TTLL5: variants seen among roughly 807,000 people sequenced by gnomAD.
TTLL5 encodes tubulin tyrosine ligase like 5.
In TTLL5, 132 loss-of-function variants were observed where a neutral mutation model predicts 168.4. That is an observed-to-expected ratio of 0.78 (90% CI 0.68 to 0.91). The LOEUF (loss-of-function observed/expected upper bound fraction) is 0.91, where lower values mean the gene tolerates loss of function less well. TTLL5 is among the 40% of genes least tolerant of loss of function. The pLI is 0.00. For missense variants in TTLL5, 1,545 were observed against 1,581.5 expected, an observed-to-expected ratio of 0.98 and a Z score of 0.39; for synonymous variants, 546 against 558.6, an observed-to-expected ratio of 0.98 and a Z score of 0.32.
intron 26 of TTLL5, among the ~76,000 whole-genome samples, chr14:75,791,393 C>G (rs1236827226): frequency 6.6e-6 from 1 of 151,996 alleles, no homozygotes; most frequent in Non-Finnish European, 1.5e-5. Context: ...CTGTATTTAT[C>G]TAGGATTAAT....
At chr14:75,823,498 C>G (rs1894951109) in intron 28 of TTLL5, among the ~76,000 whole-genome samples, 1 of 152,206 alleles carries the variant, frequency 6.6e-6, no homozygotes, top group African/African-American at 2.4e-5. Context: ...TGGCAGGAAC[C>G]TGAGGCCCTG....
intron 28 of TTLL5, among the ~76,000 whole-genome samples, chr14:75,846,794 A>G (rs112653134): frequency 1.3e-3 from 14 of 11,026 alleles, no homozygotes; most frequent in East Asian, 0.012. Context: ...CCATCTCAGA[A>G]AAAAAAAAAA....
At chr14:75,911,936 C>T (rs1305832027) in intron 31 of TTLL5, among the ~76,000 whole-genome samples, 1 of 152,226 alleles carries the variant, frequency 6.6e-6, no homozygotes, top group East Asian at 1.9e-4. Flanking sequence ...CCTCAGTTCA[C>T]CTCTGGAAGG....
chr14:75,678,129 A>G (rs1167403871), intron 3 of TTLL5, among the ~76,000 whole-genome samples: 1 of 152,230 alleles, frequency 6.6e-6, no homozygotes, highest in Non-Finnish European at 1.5e-5. Flanking sequence ...CAAAAATGTT[A>G]GTGATCATGG....
chr14:75,731,540 A>G (rs1245300427), intron 12 of TTLL5, among the ~76,000 whole-genome samples: 1 of 152,144 alleles, frequency 6.6e-6, no homozygotes, highest in Admixed American at 6.5e-5. Flanking sequence ...TGGGAAGAAC[A>G]CTTGCTTCTG....
intron 29 of TTLL5, among the ~76,000 whole-genome samples, chr14:75,868,019 G>A (rs2030676687): frequency 6.6e-6 from 1 of 152,310 alleles, no homozygotes; most frequent in South Asian, 2.1e-4. Flanking sequence ...CCATGCTGGG[G>A]TCTGTGAGGA....
At position 75,772,625 on chromosome 14, in the gene TTLL5, G is replaced by T. The variant is rs374482486; in HGVS notation, c.2136+771G>T. Reference sequence around the variant, plus strand: ...AATGATGGGGAGCTTTAAGCTGTTTGGTAAGGTCAGAGTTTATGGAAGAAG... The same window carrying T: ...AATGATGGGGAGCTTTAAGCTGTTTTGTAAGGTCAGAGTTTATGGAAGAAG... On this transcript the variant is annotated intron_variant, in intron 21 of 31. Transcript: ENST00000298832. Among the ~76,000 whole-genome samples, 1,011 of 151,500 alleles carry T rather than the reference G, an allele frequency of 6.7e-3. 12 individuals are homozygous for T. Among genetic ancestry groups the T allele is most frequent in the African/African-American group, 0.024 (977 of 41,230 alleles).
At chr14:75,876,880 T>C (rs2031519860) in intron 29 of TTLL5, among the ~76,000 whole-genome samples, 2 of 152,340 alleles carry the variant, frequency 1.3e-5, no homozygotes, top group South Asian at 4.1e-4. Context: ...AGTCTGGATG[T>C]GTTCTTTGCT....
intron 6 of TTLL5, among the ~76,000 whole-genome samples, chr14:75,690,802 T>G (rs1885400837): frequency 6.6e-6 from 1 of 152,148 alleles, no homozygotes; most frequent in Non-Finnish European, 1.5e-5. Flanking sequence ...TAATTTTTTG[T>G]AGAGATGGGA....
In TTLL5 at chr14:75,863,715, C is replaced by A; in HGVS notation, c.3375C>A (p.Asn1125Lys). ...GFAWEGEVENNVYSQATGVVP... is the reference protein window; with the variant it reads ...GFAWEGEVENKVYSQATGVVP... The stretch of plus-strand genomic sequence containing the variant: ...CCTGGGAAGGAGAAGTAGAAAACAA[C>A]GTGTACAGCCAGGCTACAGGGGTGG... The change falls in exon 29 of 32, where the codon AAC (asparagine) becomes AAA (lysine). Residue 1125 changes from asparagine (N) to lysine (K), a missense_variant. Transcript: ENST00000298832. 1 of 1,611,934 alleles carries A rather than the reference C, an allele frequency of 6.2e-7. No individual in the cohort carries two copies. Among genetic ancestry groups the A allele is most frequent in the East Asian group, 2.2e-5 (1 of 44,828 alleles).
chr14:75,685,603 AGCCTCT>A (rs1352356016), intron 5 of TTLL5, among the ~76,000 whole-genome samples: 1 of 152,166 alleles, frequency 6.6e-6, no homozygotes, highest in East Asian at 1.9e-4. Context: ...TCTTTTTCTT[AGCCTCT>A]GGTTCAGTGT....
chr14:75,669,678 G>T, intron 3 of TTLL5, 156 bp downstream of exon 3: 5 of 460,346 alleles, frequency 1.1e-5, no homozygotes, highest in Non-Finnish European at 1.8e-5. Flanking sequence ...TTCTTAAATT[G>T]TTTTCTGCTT....
rs756125504 is a variant in TTLL5, at chr14:75,775,615, C to T, written c.2268C>T (p.Ile756=). The T allele has an allele frequency of 7.4e-6, 12 of 1,614,056 alleles. No individual in the cohort carries two copies. Among genetic ancestry groups the T allele is most frequent in the Middle Eastern group, 1.7e-4 (1 of 6,058 alleles). The change falls in exon 22 of 32, where the codon ATC becomes ATT. Residue 756 remains isoleucine (I), a synonymous_variant. Coordinates refer to ENST00000298832, the MANE Select transcript of TTLL5 (RefSeq NM_015072.5). ...RILAHQLGDF[I]IVYNKETEQM... is the part of the protein sequence containing the mutation. ...TGGCCCACCAGCTGGGTGACTTTAT[C>T]ATTGTATACAACAAGGTAAGTCTTT...
rs75964129 is a variant in TTLL5 at position 75,913,281 on chromosome 14, T to G, written c.3823+11057T>G. Among the ~76,000 whole-genome samples, 115 of 152,238 alleles carry G rather than the reference T, an allele frequency of 7.6e-4. No individual in the cohort carries two copies. The East Asian group carries it at 0.02, about 26-fold the overall frequency. On this transcript the variant is annotated intron_variant, in intron 31 of 31. Coordinates refer to ENST00000298832, the MANE Select transcript of TTLL5 (RefSeq NM_015072.5). ...GCACCATCTCCCCACTTTTGCTCCCTCCCTCCCCAATATGCCTATTCCTGT... is the reference window on the plus strand; with the variant it reads ...GCACCATCTCCCCACTTTTGCTCCCGCCCTCCCCAATATGCCTATTCCTGT...
intron 10 of TTLL5, 117 bp from the exon 11 acceptor site, chr14:75,719,618 G>A (rs1887715710): frequency 5.0e-6 from 4 of 792,214 alleles, no homozygotes; most frequent in Non-Finnish European, 7.6e-6. Context: ...CTGGAAGTCA[G>A]CAAAGTGAAT....
At chr14:75,769,296 T>A in intron 20 of TTLL5, among the ~76,000 whole-genome samples, 1 of 152,198 alleles carries the variant, frequency 6.6e-6, no homozygotes, top group East Asian at 1.9e-4. Flanking sequence ...TTGGGGAAAG[T>A]CCACGCACAG....
chr14:75,687,921 G>A (rs8008532), intron 5 of TTLL5, among the ~76,000 whole-genome samples: 105,965 of 152,050 alleles, frequency 0.7, 38,419 homozygotes, highest in Non-Finnish European at 0.81. Flanking sequence ...AAAAACAAAA[G>A]CCAGAAAACA....
At chr14:75,735,697 C>A (rs1039988959) in intron 15 of TTLL5, among the ~76,000 whole-genome samples, 1 of 152,200 alleles carries the variant, frequency 6.6e-6, no homozygotes, top group African/African-American at 2.4e-5. Flanking sequence ...ATCTTCTCTA[C>A]AAGTAATTCT....
intron 20 of TTLL5, among the ~76,000 whole-genome samples, chr14:75,766,723 A>G (rs1890985560): frequency 6.6e-6 from 1 of 152,290 alleles, no homozygotes; most frequent in Admixed American, 6.5e-5. Flanking sequence ...CTTAGGACAC[A>G]GAAAAAGAGT....
Sources: gnomAD v4.1 joint callset for allele counts (sites outside exome capture counted in the v4.1 genomes callset) on GRCh38, gnomAD v4.1.1 for gene constraint, MANE v1.5 for transcripts, NCBI Gene and HGNC (gene_info 2026-07-23, HGNC 2026-07-21) for gene names.